Variants in USP53 observed in about 807,000 individuals in gnomAD.
The protein encoded by USP53 is ubiquitin carboxyl-terminal hydrolase 53.
In USP53, 71 loss-of-function variants were observed where a neutral mutation model predicts 94.9. The observed-to-expected ratio is 0.75, with a 90% CI of 0.62 to 0.91. The LOEUF is 0.91. USP53 is among the 40% of genes least tolerant of loss of function. The pLI, the probability that USP53 is intolerant of heterozygous loss-of-function variation, is 0.00. For missense variants in USP53, 1,173 were observed against 1,281.0 expected, an observed-to-expected ratio of 0.92 and a Z score of 1.29; for synonymous variants, 375 against 422.7, an observed-to-expected ratio of 0.89 and a Z score of 1.39.
chr4:119,278,193 T>C (rs201916895), intron 17 of USP53, among the ~76,000 whole-genome samples: 39,984 of 144,638 alleles, frequency 0.28, 5,511 homozygotes, highest in East Asian at 0.37. Context: ...TTCTTCCTAG[T>C]CTCGATGGTC....
intron 18 of USP53, 149 bp from the exon 19 acceptor site, chr4:119,292,189 C>A: frequency 1.2e-6 from 1 of 850,662 alleles, no homozygotes; most frequent in Non-Finnish European, 1.7e-6. Context: ...TTAATGGTTG[C>A]AAATATCTTT....
At chr4:119,220,353 A>G (rs1744350562) in intron 3 of USP53, 1 of 152,208 alleles carries the variant, frequency 6.6e-6, no homozygotes, top group Non-Finnish European at 1.5e-5. Context: ...AAAAGCAGTG[A>G]TCTATCAAAT....
At chr4:119,224,026 G>A (rs1396882030) in intron 3 of USP53, among the ~76,000 whole-genome samples, 1 of 152,108 alleles carries the variant, frequency 6.6e-6, no homozygotes. Context: ...TTGAGATGGA[G>A]TCTTGCTGTG....
intron 3 of USP53, among the ~76,000 whole-genome samples, chr4:119,225,700 C>T (rs1045120140): frequency 6.6e-6 from 1 of 151,956 alleles, no homozygotes; most frequent in African/African-American, 2.4e-5. Flanking sequence ...GATTGCGCCA[C>T]TGCACTCCAG....
At chr4:119,288,206 A>C (rs773897452) in intron 17 of USP53, among the ~76,000 whole-genome samples, 3 of 152,280 alleles carry the variant, frequency 2.0e-5, no homozygotes, top group Non-Finnish European at 4.4e-5. Flanking sequence ...ATTCATTTAA[A>C]GAAATAAACC....
rs182895073 is a variant in USP53 at position 119,215,292 on chromosome 4, C to T, written c.-789+1070C>T. On this transcript the variant is annotated intron_variant, in intron 2 of 18. Transcript: ENST00000692078. The stretch of plus-strand genomic sequence containing the variant: ...ATACTGATGATTTTAGAAAATTTTG[C>T]ATTATGGTATTTGCACATGATAGGA... Among the ~76,000 whole-genome samples, 108 of 152,200 alleles carry T rather than the reference C, an allele frequency of 7.1e-4. 1 individual carries two copies. The highest frequency in any genetic ancestry group is 2.5e-3 in the African/African-American group (102 of 41,514).
At chr4:119,213,632 C>G (rs987048571) in intron 1 of USP53, among the ~76,000 whole-genome samples, 7 of 49,906 alleles carry the variant, frequency 1.4e-4, no homozygotes, top group Non-Finnish European at 2.2e-4. Context: ...GTTTCCTTAT[C>G]TGGAAATAGA....
intron 3 of USP53, among the ~76,000 whole-genome samples, chr4:119,230,156 C>G (rs1056973181): frequency 1.3e-5 from 2 of 152,186 alleles, no homozygotes; most frequent in Non-Finnish European, 2.9e-5. Flanking sequence ...TTCAACTGCA[C>G]ATAACTGAGT....
intron 17 of USP53, among the ~76,000 whole-genome samples, chr4:119,275,899 T>A (rs1752566826): frequency 1.3e-5 from 2 of 151,354 alleles, no homozygotes; most frequent in African/African-American, 4.9e-5. Context: ...GCTCTCTGTT[T>A]GTCTGTTGTT....
intron 3 of USP53, among the ~76,000 whole-genome samples, chr4:119,226,230 T>C (rs1014852748): frequency 1.3e-5 from 2 of 152,222 alleles, no homozygotes; most frequent in Non-Finnish European, 2.9e-5. Context: ...GGTTAAAGAC[T>C]GAATGATTTC....
intron 17 of USP53, among the ~76,000 whole-genome samples, chr4:119,276,539 A>G (rs1240217797): frequency 1.3e-5 from 2 of 150,894 alleles, no homozygotes; most frequent in Non-Finnish European, 3.0e-5. Flanking sequence ...ATGTTCATCA[A>G]GGATATTGGT....
At position 119,295,043 on chromosome 4, in the gene USP53, T is replaced by A. The variant is rs1755128713; in HGVS notation, c.*1832T>A. On this transcript the variant is annotated 3_prime_UTR_variant, in exon 19 of 19. Coordinates refer to ENST00000692078, the MANE Select transcript of USP53 (RefSeq NM_001371395.1). The stretch of plus-strand genomic sequence containing the variant: ...AATAGCTTTCACAGTTTGTGTAGTT[T>A]TTTTTTTCTATTTGGTTAAGATGTG... 6.6e-6 allele frequency: 1 copy of A among 152,102 alleles called. No homozygotes were observed. The highest frequency in any genetic ancestry group is 2.4e-5 in the African/African-American group (1 of 41,452). The allele number at this position is 152,102 out of a possible 1,614,324, so 9.4% of individuals were successfully genotyped here.
At chr4:119,235,645 C>G (rs1561215922) in intron 4 of USP53, among the ~76,000 whole-genome samples, 1 of 152,064 alleles carries the variant, frequency 6.6e-6, no homozygotes, top group East Asian at 1.9e-4. Context: ...CTGTCTTTTT[C>G]CCATTTACTT....
At chr4:119,291,143 T>TGCCCCCCCCC in intron 17 of USP53, 22 bp from the exon 18 acceptor site, 6 of 747,458 alleles carry the variant, frequency 8.0e-6, no homozygotes, top group East Asian at 3.1e-5. Flanking sequence ...TCATCTCTTC[T>TGCCCCCCCCC]CCCCACCCCA....
rs1561369446 is a variant in USP53 at position 119,293,029 on chromosome 4, A to AAACTC, written c.3040_3041insAACTC (p.Ile1014LysfsTer11). 6.2e-7 allele frequency: 1 copy of AAACTC among 1,614,140 alleles called. No homozygotes were observed. The highest frequency in any genetic ancestry group is 1.7e-5 in the Admixed American group (1 of 60,020). On this transcript the variant is annotated frameshift_variant, in exon 19 of 19. Coordinates refer to ENST00000692078, the MANE Select transcript of USP53 (RefSeq NM_001371395.1). LOFTEE classifies it high-confidence loss of function. Reference sequence around the variant, plus strand: ...CGATTTTCAGGCAAACTCAGGTGCCATTGATGCATTTTGCCAACCAGAACT... The same window carrying AAACTC: ...CGATTTTCAGGCAAACTCAGGTGCCAAACTCTTGATGCATTTTGCCAACCAGAACT...
intron 17 of USP53, among the ~76,000 whole-genome samples, chr4:119,277,652 C>G (rs911140132): frequency 2.3e-3 from 334 of 146,248 alleles, no homozygotes; most frequent in African/African-American, 7.2e-3. Context: ...TCCTGGGTAT[C>G]CTGGTTGACT....
At chr4:119,269,901 A>T in intron 15 of USP53, 64 bp downstream of exon 15, 2 of 1,128,430 alleles carry the variant, frequency 1.8e-6, no homozygotes, top group Non-Finnish European at 2.3e-6. Context: ...TTTAAAACTG[A>T]ATTTTATAAC....
At chr4:119,259,280 C>CA (rs11348254) in intron 9 of USP53, among the ~76,000 whole-genome samples, 3,906 of 119,336 alleles carry the variant, frequency 0.033, 106 homozygotes, top group African/African-American at 0.073. Context: ...GACCCCATCT[C>CA]AAAAAAAAAA....
At chr4:119,230,293 A>G (rs987679479) in intron 3 of USP53, among the ~76,000 whole-genome samples, 1 of 152,178 alleles carries the variant, frequency 6.6e-6, no homozygotes, top group African/African-American at 2.4e-5. Flanking sequence ...CCAAAGTGAG[A>G]TCATATTAAA....
Sources: gnomAD v4.1 joint callset for allele counts (sites outside exome capture counted in the v4.1 genomes callset) on GRCh38, gnomAD v4.1.1 for gene constraint, MANE v1.5 for transcripts, NCBI Gene and HGNC (gene_info 2026-07-23, HGNC 2026-07-21) for gene names.